Variants in IGSF21 observed in about 807,000 individuals in gnomAD.
The protein encoded by IGSF21 is immunoglobin superfamily member 21.
A neutral mutation model predicts 46.8 loss-of-function variants in IGSF21; 28 were observed. The ratio of observed to expected loss-of-function variants is 0.60; its 90% confidence interval spans 0.44 to 0.82. The LOEUF is 0.82. Ranked by LOEUF, IGSF21 falls within the 40% of genes least tolerant of loss-of-function variation. The pLI is 0.00. For synonymous variants in IGSF21, 284 were observed against 273.6 expected, an observed-to-expected ratio of 1.04 and a Z score of -0.38; for missense variants, 624 against 665.5, an observed-to-expected ratio of 0.94 and a Z score of 0.69.
At chr1:18,229,358 C>T (rs1412603325) in intron 2 of IGSF21, among the ~76,000 whole-genome samples, 2 of 152,198 alleles carry the variant, frequency 1.3e-5, no homozygotes, top group African/African-American at 4.8e-5. Context: ...CTGGGGCATG[C>T]GTGCTGTTCA....
At chr1:18,174,397 G>C (rs1039719285) in intron 1 of IGSF21, among the ~76,000 whole-genome samples, 1 of 152,210 alleles carries the variant, frequency 6.6e-6, no homozygotes, top group African/African-American at 2.4e-5. Flanking sequence ...TATTCTTCCC[G>C]CTGCTGATGA....
intron 1 of IGSF21, among the ~76,000 whole-genome samples, chr1:18,134,800 C>T (rs1317244168): frequency 1.3e-5 from 2 of 152,212 alleles, no homozygotes; most frequent in African/African-American, 2.4e-5. Flanking sequence ...GTGGCTGGCT[C>T]CTCCCCGACT....
At chr1:18,213,879 C>T (rs114847556) in intron 1 of IGSF21, among the ~76,000 whole-genome samples, 345 of 152,300 alleles carry the variant, frequency 2.3e-3, no homozygotes, top group African/African-American at 7.9e-3. Flanking sequence ...AGTCTCATCA[C>T]CTTCCCTGCC....
At chr1:18,312,278 T>C (rs2085495845) in intron 3 of IGSF21, among the ~76,000 whole-genome samples, 1 of 152,240 alleles carries the variant, frequency 6.6e-6, no homozygotes, top group South Asian at 2.1e-4. Context: ...TAGCATCTAC[T>C]GGCAGGAGCA....
intron 3 of IGSF21, among the ~76,000 whole-genome samples, chr1:18,320,521 G>A (rs556167408): frequency 6.6e-6 from 1 of 152,152 alleles, no homozygotes; most frequent in Admixed American, 6.5e-5. Flanking sequence ...TTTGGCCCCG[G>A]GTCATCCATC....
chr1:18,271,480 C>G (rs528322241), intron 2 of IGSF21, among the ~76,000 whole-genome samples: 3 of 152,218 alleles, frequency 2.0e-5, no homozygotes, highest in African/African-American at 7.2e-5. Context: ...CCTGGTAACC[C>G]TCTCAATCAC....
intron 1 of IGSF21, among the ~76,000 whole-genome samples, chr1:18,199,093 T>C (rs556707612): frequency 6.6e-6 from 1 of 152,130 alleles, no homozygotes; most frequent in African/African-American, 2.4e-5. Context: ...ATTAGGCCCA[T>C]GTCCTTCTAA....
rs78679638 is a variant in IGSF21 at position 18,378,286 on chromosome 1, C to T, written c.1364C>T (p.Thr455Ile). 9 of 1,613,946 alleles carry T rather than the reference C, an allele frequency of 5.6e-6. No individual in the cohort carries two copies. Among genetic ancestry groups the T allele is most frequent in the South Asian group, 1.1e-5 (1 of 91,076 alleles). ...ATTGGCCCCACTGGTGCCCGGCTCA[C>T]CTTGGTGCTCGCCCTGACAGTGATT... Reference protein sequence around the residue: ...GSIGPTGARLTLVLALTVILE... With the variant: ...GSIGPTGARLILVLALTVILE... Residue 455 changes from threonine (T) to isoleucine (I), a missense_variant, in exon 10 of 10, where the codon ACC (threonine) becomes ATC (isoleucine). Thr to Ile is a moderately conservative substitution (Grantham distance 89). Transcript: ENST00000251296.
intron 1 of IGSF21, among the ~76,000 whole-genome samples, chr1:18,151,670 C>G (rs185184168): frequency 6.6e-6 from 1 of 152,186 alleles, no homozygotes; most frequent in East Asian, 1.9e-4. Context: ...GCCTGGGCGA[C>G]ACTTATTCCC....
intron 1 of IGSF21, chr1:18,114,848 C>T (rs1033027120): frequency 6.6e-6 from 1 of 152,196 alleles, no homozygotes. Flanking sequence ...CATTGCTGGA[C>T]TTCATTTAGC....
At position 18,141,723 on chromosome 1, in the gene IGSF21, T is replaced by C. The variant is rs146147175; in HGVS notation, c.70+33525T>C. Among the ~76,000 whole-genome samples the C allele has an allele frequency of 6.2e-3, 942 of 152,270 alleles. 8 individuals carry two copies. The highest frequency in any genetic ancestry group is 0.021 in the African/African-American group (874 of 41,536). The stretch of plus-strand genomic sequence containing the variant: ...GACAATAATACATTCCTGGACAACA[T>C]CTCCAGCTGTTTCACAAGTTATTAG... On this transcript the variant is annotated intron_variant, in intron 1 of 9. Transcript: ENST00000251296.
rs545233997 is a variant in IGSF21, at chr1:18,337,590, C to T, written c.424+2580C>T. On this transcript the variant is annotated intron_variant, in intron 4 of 9. Coordinates refer to ENST00000251296, the MANE Select transcript of IGSF21 (RefSeq NM_032880.5). This position sits in a 1 kb window ranked among gnomAD's most constrained non-coding sequence, Gnocchi z 5.7. ...AACACAGCTTCACGCACCGTGGCAACCTGGAAGCCAGGGTGTGTCTCTGGG... is the reference window on the plus strand; with the variant it reads ...AACACAGCTTCACGCACCGTGGCAATCTGGAAGCCAGGGTGTGTCTCTGGG... Among the ~76,000 whole-genome samples the T allele has an allele frequency of 6.6e-6, 1 of 152,220 alleles. No individual in the cohort carries two copies. The highest frequency in any genetic ancestry group is 2.4e-5 in the African/African-American group (1 of 41,524).
At chr1:18,248,317 C>T (rs923057329) in intron 2 of IGSF21, among the ~76,000 whole-genome samples, 1 of 152,192 alleles carries the variant, frequency 6.6e-6, no homozygotes, top group Non-Finnish European at 1.5e-5. Flanking sequence ...CAGAATTAAC[C>T]CCTCTGTACA....
intron 1 of IGSF21, among the ~76,000 whole-genome samples, chr1:18,137,303 T>C (rs139930283): frequency 4.1e-4 from 62 of 152,310 alleles, no homozygotes; most frequent in African/African-American, 1.5e-3. Flanking sequence ...ATGAGAAATC[T>C]GTCCCATGAT....
chr1:18,255,342 T>C (rs1196940315), intron 2 of IGSF21, among the ~76,000 whole-genome samples: 1 of 152,218 alleles, frequency 6.6e-6, no homozygotes, highest in East Asian at 1.9e-4. Context: ...GGATGGTTTT[T>C]GTCAAGCCCA....
chr1:18,321,288 C>G (rs1449724725), intron 3 of IGSF21, among the ~76,000 whole-genome samples: 5 of 152,164 alleles, frequency 3.3e-5, no homozygotes, highest in Admixed American at 2.6e-4. Flanking sequence ...CTCGATGACC[C>G]CAGAGCCTCC....
At chr1:18,369,707 C>A (rs561842061) in intron 6 of IGSF21, among the ~76,000 whole-genome samples, 2 of 152,280 alleles carry the variant, frequency 1.3e-5, no homozygotes, top group East Asian at 3.9e-4. Context: ...GAAGATCAGG[C>A]CAACGAGGGT....
intron 1 of IGSF21, among the ~76,000 whole-genome samples, chr1:18,191,225 T>A (rs1451721419): frequency 2.6e-5 from 4 of 152,166 alleles, no homozygotes; most frequent in Admixed American, 6.5e-5. Context: ...CTCAGGCCAG[T>A]CACTTGCCCT....
At chr1:18,139,985 C>T (rs138409108) in intron 1 of IGSF21, among the ~76,000 whole-genome samples, 6 of 152,258 alleles carry the variant, frequency 3.9e-5, no homozygotes, top group Non-Finnish European at 5.9e-5. Flanking sequence ...CTCGCTCTGT[C>T]GCTCAGGCTG....
Sources: allele counts gnomAD v4.1 joint callset (sites outside exome capture counted in the v4.1 genomes callset), GRCh38; gene constraint gnomAD v4.1.1; non-coding constraint Gnocchi (gnomAD v3.1); transcripts MANE v1.5; gene names NCBI Gene and HGNC (gene_info 2026-07-23, HGNC 2026-07-21).